Variants in SCFD1 observed in about 807,000 individuals in gnomAD.
The protein encoded by SCFD1 is sec1 family domain-containing protein 1.
In SCFD1, 37 loss-of-function variants were observed where a neutral mutation model predicts 103.2. That is an observed-to-expected ratio of 0.36 (90% CI 0.28 to 0.47). The LOEUF is 0.47. Ranked by LOEUF, SCFD1 falls within the 20% of genes least tolerant of loss-of-function variation. The pLI is 1.00. For synonymous variants in SCFD1, 264 were observed against 245.0 expected (o/e 1.08, Z -0.73); for missense variants, 639 against 761.2 (o/e 0.84, Z 1.89).
intron 10 of SCFD1, chr14:30,657,989 C>A: frequency 5.1e-6 from 2 of 395,202 alleles, no homozygotes; most frequent in Admixed American, 6.5e-5. Context: ...AAAGAAAAAG[C>A]AACTTTGCAG....
chr14:30,650,452 A>G, intron 8 of SCFD1, 113 bp from the exon 9 acceptor site: 3 of 676,402 alleles, frequency 4.4e-6, no homozygotes, highest in East Asian at 2.7e-5. Context: ...TAGATTTGCT[A>G]TTTGTAAAGA....
intron 14 of SCFD1, among the ~76,000 whole-genome samples, chr14:30,678,780 A>G (rs532214950): frequency 6.6e-6 from 1 of 152,312 alleles, no homozygotes; most frequent in South Asian, 2.1e-4. Flanking sequence ...GAATGCTCCA[A>G]CCAACCGGAT....
intron 11 of SCFD1, among the ~76,000 whole-genome samples, chr14:30,672,455 G>C (rs922102456): frequency 6.6e-6 from 1 of 152,190 alleles, no homozygotes; most frequent in Non-Finnish European, 1.5e-5. Flanking sequence ...CAGAGCTGAG[G>C]AAGGGGGGAA....
chr14:30,653,684 G>A, intron 10 of SCFD1, 96 bp downstream of exon 10: 1 of 800,934 alleles, frequency 1.2e-6, no homozygotes. Flanking sequence ...AAACAAAAAT[G>A]AGAAGGATGG....
At chr14:30,653,347 T>C (rs1886583430) in intron 9 of SCFD1, 142 bp from the exon 10 acceptor site, 2 of 602,642 alleles carry the variant, frequency 3.3e-6, no homozygotes, top group Non-Finnish European at 5.8e-6. Context: ...GCACATATAC[T>C]AAAAAACAAA....
intron 1 of SCFD1, chr14:30,622,607 CG>C: frequency 1.2e-6 from 1 of 833,932 alleles, no homozygotes; most frequent in South Asian, 2.5e-5. Context: ...GGAGCTTCAG[CG>C]GTGGGCGGAT....
rs145036427 is a variant in SCFD1, at chr14:30,677,901, A to G, written c.1242+2836A>G. On this transcript the variant is annotated intron_variant, in intron 14 of 24. Coordinates refer to ENST00000458591, the MANE Select transcript of SCFD1 (RefSeq NM_016106.4). ...TGTCACCAGGCCGGAGTGCAGTGGC[A>G]CACTCTCAGCTCACTGCAACCTCCA... Among the ~76,000 whole-genome samples the G allele has an allele frequency of 4.1e-3, 502 of 123,358 alleles. 6 individuals are homozygous for G. Among genetic ancestry groups the G allele is most frequent in the African/African-American group, 0.015 (472 of 31,518 alleles). 80.9% of individuals were successfully genotyped at this position (123,358 alleles called of 152,430 possible). A position where few individuals can be genotyped will look rare whatever the true frequency, so the allele number is the denominator to read the frequency against.
intron 14 of SCFD1, among the ~76,000 whole-genome samples, chr14:30,690,586 G>A (rs1044573554): frequency 5.0e-5 from 7 of 139,186 alleles, no homozygotes; most frequent in African/African-American, 1.5e-4. Flanking sequence ...AGGTGCGTCC[G>A]TCACCCCTTT....
At chr14:30,672,954 ACTTTTT>A (rs1322356024) in intron 11 of SCFD1, among the ~76,000 whole-genome samples, 1 of 152,156 alleles carries the variant, frequency 6.6e-6, no homozygotes, top group Non-Finnish European at 1.5e-5. Flanking sequence ...TAAATATTTT[ACTTTTT>A]CTTCTAAAAA....
intron 14 of SCFD1, chr14:30,683,089 G>A (rs1889621467): frequency 8.9e-6 from 12 of 1,344,382 alleles, no homozygotes; most frequent in Non-Finnish European, 1.2e-5. Flanking sequence ...GTTTCTTGCA[G>A]ATACTTCTTA....
intron 14 of SCFD1, chr14:30,683,051 C>A: frequency 7.4e-7 from 1 of 1,359,670 alleles, no homozygotes. Context: ...TGGGTCAGGG[C>A]TCCTGACTGG....
chr14:30,632,462 T>C (rs1040253606), intron 3 of SCFD1, among the ~76,000 whole-genome samples: 1 of 152,234 alleles, frequency 6.6e-6, no homozygotes, highest in East Asian at 1.9e-4. Context: ...TTAAAAATTA[T>C]GTTTTAAAAT....
At chr14:30,659,025 A>G (rs141556931) in intron 10 of SCFD1, among the ~76,000 whole-genome samples, 1 of 152,352 alleles carries the variant, frequency 6.6e-6, no homozygotes, top group African/African-American at 2.4e-5. Flanking sequence ...CCCAAAAGAT[A>G]TCCCTGATTT....
intron 19 of SCFD1, among the ~76,000 whole-genome samples, chr14:30,711,590 AATAC>A (rs1594748731): frequency 6.6e-6 from 1 of 152,366 alleles, no homozygotes; most frequent in East Asian, 1.9e-4. Context: ...TTTCATAACA[AATAC>A]ATACATCAAA....
chr14:30,629,723 A>C (rs1850646028), intron 2 of SCFD1, among the ~76,000 whole-genome samples: 2 of 151,914 alleles, frequency 1.3e-5, no homozygotes, highest in Non-Finnish European at 2.9e-5. Flanking sequence ...GATTACAGGC[A>C]CGTGCCACCA....
At chr14:30,714,646 A>G (rs995593002) in intron 19 of SCFD1, among the ~76,000 whole-genome samples, 6 of 152,148 alleles carry the variant, frequency 3.9e-5, no homozygotes, top group African/African-American at 1.4e-4. Flanking sequence ...AAATCCTTAT[A>G]TAATAGTAAT....
At chr14:30,724,443 G>A (rs1029313779) in intron 23 of SCFD1, among the ~76,000 whole-genome samples, 8 of 151,726 alleles carry the variant, frequency 5.3e-5, no homozygotes, top group African/African-American at 1.9e-4. Flanking sequence ...AGTAGACACG[G>A]AGTTACACCA....
Position 30,641,820 on chromosome 14 carries a change from A to C in SCFD1, c.524-1496A>C, listed in dbSNP as rs148426738. On this transcript the variant is annotated intron_variant, in intron 6 of 24. Transcript: ENST00000458591. Reference sequence around the variant, plus strand: ...TTGAATTCTGCTTTCCTCTTATAGTAACCACAAGTGGTATTAAATTTTATA... The same window carrying C: ...TTGAATTCTGCTTTCCTCTTATAGTCACCACAAGTGGTATTAAATTTTATA... Among the ~76,000 whole-genome samples, 39 of 152,290 alleles carry C rather than the reference A, an allele frequency of 2.6e-4. No homozygotes were observed. In the East Asian group the frequency reaches 6.4e-3, roughly 25 times the overall value.
chr14:30,665,204 CTG>C (rs1398044862), intron 10 of SCFD1, among the ~76,000 whole-genome samples: 16 of 152,230 alleles, frequency 1.1e-4, no homozygotes, highest in Admixed American at 6.5e-4. Context: ...TCAGCAGAAA[CTG>C]TACAAGCAAG....
Sources: allele counts gnomAD v4.1 joint callset (sites outside exome capture counted in the v4.1 genomes callset), GRCh38; gene constraint gnomAD v4.1.1; transcripts MANE v1.5; gene names NCBI Gene and HGNC (gene_info 2026-07-23, HGNC 2026-07-21).